Variants in NMT1 observed in about 807,000 individuals in gnomAD.
NMT1 encodes glycylpeptide N-tetradecanoyltransferase 1.
A neutral mutation model predicts 63.4 loss-of-function variants in NMT1; 12 were observed. The observed-to-expected ratio is 0.19, with a 90% confidence interval of 0.12 to 0.31. The LOEUF is 0.31. Among genes scored for constraint, NMT1 ranks in the 10% least tolerant of loss-of-function variants. The pLI, the probability that NMT1 is intolerant of heterozygous loss-of-function variation, is 1.00. For missense variants in NMT1, 432 were observed against 634.6 expected (o/e 0.68, Z 3.43); for synonymous variants, 228 against 234.3 (o/e 0.97, Z 0.25).
chr17:45,084,569 G>A (rs1238411669), intron 2 of NMT1, among the ~76,000 whole-genome samples: 7 of 151,730 alleles, frequency 4.6e-5, no homozygotes, highest in African/African-American at 7.3e-5. Context: ...TCCTGACCTC[G>A]TGATCCACCC....
chr17:45,089,503 G>A (rs537716553), intron 3 of NMT1, among the ~76,000 whole-genome samples: 2 of 152,124 alleles, frequency 1.3e-5, no homozygotes, highest in Admixed American at 6.5e-5. Flanking sequence ...CACCACGCCC[G>A]GCTAATTTTT....
At chr17:45,075,492 A>G (rs1169360337) in intron 1 of NMT1, among the ~76,000 whole-genome samples, 1 of 150,832 alleles carries the variant, frequency 6.6e-6, no homozygotes, top group East Asian at 2.0e-4. Flanking sequence ...TCTTAAAAAA[A>G]AAAAAATGGC....
intron 1 of NMT1, among the ~76,000 whole-genome samples, chr17:45,063,856 A>G (rs2143443788): frequency 6.6e-6 from 1 of 151,464 alleles, no homozygotes; most frequent in South Asian, 2.1e-4. Context: ...AGATTGCACC[A>G]CTGCACTCCA....
chr17:45,088,184 A>G (rs2054066612), intron 3 of NMT1, among the ~76,000 whole-genome samples: 1 of 152,152 alleles, frequency 6.6e-6, no homozygotes, highest in Non-Finnish European at 1.5e-5. Context: ...CTCATCGGCC[A>G]GGTCCCAGGC....
chr17:45,073,008 C>T (rs2053953433), intron 1 of NMT1, among the ~76,000 whole-genome samples: 1 of 152,130 alleles, frequency 6.6e-6, no homozygotes, highest in Non-Finnish European at 1.5e-5. Flanking sequence ...CTTTTGGGCT[C>T]TAGCTTTTCA....
At position 45,102,951 on chromosome 17, in the gene NMT1, A is replaced by G. The variant is rs767459640; in HGVS notation, c.994A>G (p.Thr332Ala). 12 of 1,607,376 alleles carry G rather than the reference A, an allele frequency of 7.5e-6. No homozygotes were observed. The highest frequency in any genetic ancestry group is 1.3e-5 in the African/African-American group (1 of 74,784). The change falls in exon 9 of 12, where the codon ACT becomes GCT. Residue 332 changes from threonine (T) to alanine (A), a missense_variant and splice_region_variant. By Grantham distance (58) the Thr-to-Ala change is moderately conservative. Around this residue, in one of 4 missense-constraint regions of NMT1, gnomAD observed 295 missense variants for 489.7 expected, o/e 0.60. Coordinates refer to ENST00000258960, the MANE Select transcript of NMT1 (RefSeq NM_021079.5). Reference protein sequence around the residue: ...RTMKLYRLPETPKTAGLRPME... With the variant: ...RTMKLYRLPEAPKTAGLRPME... Reference sequence around the variant, plus strand: ...TCCATCTCTTCTGTCTTGCCTCCAGACTCCCAAGACAGCTGGGCTGCGACC... The same window carrying G: ...TCCATCTCTTCTGTCTTGCCTCCAGGCTCCCAAGACAGCTGGGCTGCGACC...
rs372333025 is a variant in NMT1, at chr17:45,098,587, G to A, written c.884+35G>A. 486 of 1,601,576 alleles carry A rather than the reference G, an allele frequency of 3.0e-4. No individual in the cohort carries two copies. Among genetic ancestry groups the A allele is most frequent in the East Asian group, 4.0e-4 (18 of 44,792 alleles). On this transcript the variant is annotated intron_variant, in intron 7 of 11. Transcript: ENST00000258960. ...TCTTCCTGTAAGGCCCCAAAAATGC[G>A]GGTGTCTGCACTGTAGTTGAGGAGC... is the stretch of plus-strand genomic sequence containing the variant.
chr17:45,075,695 A>G (rs1269899662), intron 1 of NMT1, among the ~76,000 whole-genome samples: 5 of 150,540 alleles, frequency 3.3e-5, no homozygotes, highest in African/African-American at 9.8e-5. Context: ...CGCTGAACCC[A>G]GGAGGCGGAG....
intron 5 of NMT1, 128 bp downstream of exon 5, chr17:45,096,413 GT>G: frequency 1.4e-6 from 1 of 734,264 alleles, no homozygotes; most frequent in East Asian, 2.5e-5. Flanking sequence ...TCATTTTTGA[GT>G]TCCTGCATCT....
In NMT1 at chr17:45,103,206, G is replaced by C; in HGVS notation, c.1164+85G>C. On this transcript the variant is annotated intron_variant, in intron 9 of 11. Transcript: ENST00000258960. The surrounding 1 kb of genome is among the most constrained non-coding windows in gnomAD (Gnocchi z 4.8). ...GTGGCCGGGTTCCCAGGGCTCGAGT[G>C]TTGGCACCTTAGACTTCCTTGACCA... is the stretch of plus-strand genomic sequence containing the variant. The C allele has an allele frequency of 2.2e-6, 3 of 1,338,872 alleles. No individual in the cohort carries two copies. The highest frequency in any genetic ancestry group is 3.1e-6 in the Non-Finnish European group (3 of 956,496). 82.9% of individuals were successfully genotyped at this position (1,338,872 alleles called of 1,614,324 possible). A position where few individuals can be genotyped will look rare whatever the true frequency, so the allele number is the denominator to read the frequency against.
intron 2 of NMT1, chr17:45,083,839 AG>A (rs1376485745): frequency 6.6e-6 from 1 of 152,178 alleles, no homozygotes; most frequent in Non-Finnish European, 1.5e-5. Context: ...TCTCTAACTC[AG>A]GCTCAAGAGA....
chr17:45,086,711 C>G, intron 3 of NMT1, 59 bp downstream of exon 3: 2 of 1,520,552 alleles, frequency 1.3e-6, no homozygotes, highest in South Asian at 1.3e-5. Flanking sequence ...CTCAGCTGTG[C>G]CTTCATGAGG....
chr17:45,082,890 G>A (rs1294922805), intron 2 of NMT1, among the ~76,000 whole-genome samples: 9 of 151,808 alleles, frequency 5.9e-5, no homozygotes, highest in East Asian at 1.9e-4. Context: ...GGTGGCAGGC[G>A]CCTGTAATCC....
At chr17:45,077,839 C>G (rs1208828657) in intron 1 of NMT1, among the ~76,000 whole-genome samples, 2 of 152,138 alleles carry the variant, frequency 1.3e-5, no homozygotes, top group South Asian at 4.1e-4. Flanking sequence ...AAGAAGTTAT[C>G]TTTAGGCCAT....
At chr17:45,095,241 G>A (rs2054117313) in intron 4 of NMT1, among the ~76,000 whole-genome samples, 1 of 151,832 alleles carries the variant, frequency 6.6e-6, no homozygotes, top group South Asian at 2.1e-4. Context: ...CCAGTGGCTG[G>A]GATTACAGGT....
chr17:45,093,642 G>A (rs374771741), intron 3 of NMT1, 43 bp from the exon 4 acceptor site: 114 of 1,547,842 alleles, frequency 7.4e-5, no homozygotes, highest in Admixed American at 7.1e-4. Flanking sequence ...TTACTGCCCC[G>A]AGGGGGCAAA....
intron 8 of NMT1, 196 bp downstream of exon 8, chr17:45,099,709 C>G: frequency 3.5e-6 from 2 of 574,196 alleles, no homozygotes; most frequent in South Asian, 4.2e-5. Flanking sequence ...TTAACTTTCT[C>G]AGTTCCTCTG....
intron 1 of NMT1, among the ~76,000 whole-genome samples, chr17:45,062,148 G>A (rs572890061): frequency 1.2e-4 from 19 of 152,274 alleles, no homozygotes; most frequent in Non-Finnish European, 2.8e-4. Context: ...GTTGTTTCTT[G>A]GAGAGTATTT....
rs2054200170 is a variant in NMT1 at position 45,105,891 on chromosome 17, A to G, written c.*252A>G. 2.1e-6 allele frequency: 1 copy of G among 474,000 alleles called. No individual in the cohort carries two copies. The highest frequency in any genetic ancestry group is 3.7e-6 in the Non-Finnish European group (1 of 270,616). 29.4% of individuals were successfully genotyped at this position (474,000 alleles called of 1,614,324 possible). A position where few individuals can be genotyped will look rare whatever the true frequency, so the allele number is the denominator to read the frequency against. On this transcript the variant is annotated 3_prime_UTR_variant, in exon 12 of 12. Transcript: ENST00000258960. The surrounding 1 kb of genome is among the most constrained non-coding windows in gnomAD (Gnocchi z 4.2). ...TTACATCCTCATGCAGCCGTGATCA[A>G]GGGAATGTAACTGCTGAAAACTAGC...
Sources: allele counts gnomAD v4.1 joint callset (sites outside exome capture counted in the v4.1 genomes callset), GRCh38; gene constraint gnomAD v4.1.1; regional missense constraint gnomAD v4.1.1; non-coding constraint Gnocchi (gnomAD v3.1); transcripts MANE v1.5; gene names NCBI Gene and HGNC (gene_info 2026-07-23, HGNC 2026-07-21).